The following CEP126 variants were observed in gnomAD, a reference collection of about 807,000 sequenced individuals.
CEP126 encodes the protein centrosomal protein of 126 kDa.
CEP126 carries 74 observed loss-of-function variants against 107.8 expected under a neutral mutation model. The observed-to-expected ratio is 0.69, with a 90% CI of 0.57 to 0.83. The LOEUF (loss-of-function observed/expected upper bound fraction) is 0.83, where lower values mean the gene tolerates loss of function less well. Among genes scored for constraint, CEP126 ranks in the 40% least tolerant of loss-of-function variants. CEP126 has a pLI of 0.00. For synonymous variants in CEP126, 449 were observed against 446.0 expected, an observed-to-expected ratio of 1.01 and a Z score of -0.08; for missense variants, 1,237 against 1,281.9, an observed-to-expected ratio of 0.96 and a Z score of 0.53.
chr11:101,997,732 A>G lies in CEP126; in HGVS notation c.*89A>G. On this transcript the variant is annotated 3_prime_UTR_variant, in exon 11 of 11. Transcript: ENST00000263468. ...TTGTGAAAACCAGCCATAGGAAAAC[A>G]TGTGAGCAACAACCCCCATGAACAT... The G allele has an allele frequency of 2.5e-6, 4 of 1,579,956 alleles. No individual in the cohort carries two copies. Among genetic ancestry groups the G allele is most frequent in the Non-Finnish European group, 3.5e-6 (4 of 1,157,018 alleles).
At chr11:101,918,074 A>G (rs573396002) in intron 1 of CEP126, among the ~76,000 whole-genome samples, 1 of 152,222 alleles carries the variant, frequency 6.6e-6, no homozygotes, top group East Asian at 1.9e-4. Flanking sequence ...AAACAGCACA[A>G]ACACACACAC....
intron 4 of CEP126, chr11:101,956,586 C>A (rs761281626): frequency 2.6e-5 from 12 of 456,040 alleles, no homozygotes; most frequent in South Asian, 1.9e-4. Flanking sequence ...ATACTGTTTT[C>A]TTCCTCCTCA....
intron 9 of CEP126, among the ~76,000 whole-genome samples, chr11:101,988,778 G>GTATA (rs34433049): frequency 0.019 from 2,822 of 148,862 alleles, 68 homozygotes; most frequent in African/African-American, 0.053. Context: ...ATATGTATAT[G>GTATA]TATATATATA....
intron 2 of CEP126, among the ~76,000 whole-genome samples, chr11:101,934,794 T>G (rs1367061013): frequency 6.6e-6 from 1 of 152,086 alleles, no homozygotes; most frequent in Non-Finnish European, 1.5e-5. Context: ...TTATTCTAAT[T>G]TGGGACTACT....
intron 1 of CEP126, among the ~76,000 whole-genome samples, chr11:101,919,267 T>G (rs1940285101): frequency 6.6e-6 from 1 of 152,136 alleles, no homozygotes; most frequent in African/African-American, 2.4e-5. Context: ...AACATAGCTT[T>G]AATAGATTTG....
intron 2 of CEP126, among the ~76,000 whole-genome samples, chr11:101,933,031 G>A (rs1305194978): frequency 6.6e-6 from 1 of 152,140 alleles, no homozygotes; most frequent in African/African-American, 2.4e-5. Flanking sequence ...CAGGTACAAA[G>A]CATTGTGTTA....
intron 7 of CEP126, among the ~76,000 whole-genome samples, chr11:101,979,018 G>A (rs1941225332): frequency 6.6e-6 from 1 of 152,054 alleles, no homozygotes; most frequent in South Asian, 2.1e-4. Flanking sequence ...TGTAATCCCA[G>A]CTACTCAGGA....
intron 6 of CEP126, among the ~76,000 whole-genome samples, chr11:101,969,542 G>T (rs1195763354): frequency 6.6e-6 from 1 of 152,306 alleles, no homozygotes; most frequent in East Asian, 1.9e-4. Context: ...GTATTAAAAA[G>T]AAGGCAATTC....
At position 101,915,188 on chromosome 11, in the gene CEP126, C is replaced by G. The variant is rs1940173780; in HGVS notation, c.-97C>G. On this transcript the variant is annotated 5_prime_UTR_variant, in exon 1 of 11. Coordinates refer to ENST00000263468, the MANE Select transcript of CEP126 (RefSeq NM_020802.4). ...CGCCCGTGACGCGGGGCCTGAGAGA[C>G]GGAGTGTAGGGAGGGGCCGAGCAGG... is the stretch of plus-strand genomic sequence containing the variant. 6.5e-7 allele frequency: 1 copy of G among 1,536,190 alleles called. No individual in the cohort carries two copies. The highest frequency in any genetic ancestry group is 1.2e-5 in the South Asian group (1 of 81,546).
Position 101,986,837 on chromosome 11 carries a change from G to T in CEP126, c.3040G>T (p.Asp1014Tyr). 1 of 1,613,352 alleles carries T rather than the reference G, an allele frequency of 6.2e-7. No individual in the cohort carries two copies. The highest frequency in any genetic ancestry group is 8.5e-7 in the Non-Finnish European group (1 of 1,179,466). ...RGTSYIEEVS[D>Y]STSEFLMAEN... ...ACTGATGTAAGTTTCTGTAGTTTCA[G>T]ATAGTACTTCTGAGTTTTTGATGGC... is the stretch of plus-strand genomic sequence containing the variant. Residue 1014 changes from aspartate (D) to tyrosine (Y), a missense_variant, in exon 9 of 11, where the codon GAT (aspartate) becomes TAT (tyrosine). This residue lies in a region of CEP126 where 99 missense variants were observed against 114.4 expected (regional missense o/e 0.87). Transcript: ENST00000263468.
intron 5 of CEP126, among the ~76,000 whole-genome samples, chr11:101,959,706 AAAG>A (rs1406841169): frequency 3.3e-5 from 5 of 152,252 alleles, no homozygotes; most frequent in African/African-American, 7.2e-5. Context: ...ACAATTGAAA[AAAG>A]AAATAAACAG....
chr11:101,927,882 A>G (rs1423528412), intron 2 of CEP126, among the ~76,000 whole-genome samples: 1 of 152,208 alleles, frequency 6.6e-6, no homozygotes, highest in Non-Finnish European at 1.5e-5. Flanking sequence ...GTTTTTGTAT[A>G]AACATAAGCC....
In CEP126 at chr11:102,000,595, G is replaced by A. The variant is rs1424187186; in HGVS notation, c.*2952G>A. 1 of 152,170 alleles carries A rather than the reference G, an allele frequency of 6.6e-6. No homozygotes were observed. Among genetic ancestry groups the A allele is most frequent in the Non-Finnish European group, 1.5e-5 (1 of 68,080 alleles). 9.4% of individuals were successfully genotyped at this position (152,170 alleles called of 1,614,324 possible). A position where few individuals can be genotyped will look rare whatever the true frequency, so the allele number is the denominator to read the frequency against. ...TGGTCCCAGCTACTGGGGAGGCTGA[G>A]GTGGGAGGATCGTTTGAGCCTGGGA... is the stretch of plus-strand genomic sequence containing the variant. On this transcript the variant is annotated 3_prime_UTR_variant, in exon 11 of 11. Transcript: ENST00000263468.
At chr11:101,969,061 C>G (rs1429573303) in intron 6 of CEP126, among the ~76,000 whole-genome samples, 1 of 152,102 alleles carries the variant, frequency 6.6e-6, no homozygotes, top group African/African-American at 2.4e-5. Flanking sequence ...CACTCTGTCA[C>G]CCAGGCTGGA....
At chr11:101,960,117 G>A (rs749566715) in intron 5 of CEP126, among the ~76,000 whole-genome samples, 4 of 151,976 alleles carry the variant, frequency 2.6e-5, no homozygotes, top group Non-Finnish European at 5.9e-5. Flanking sequence ...TCAGATTAAA[G>A]CCAGAGGGAA....
chr11:101,962,394 T>C lies in CEP126; in HGVS notation c.1359T>C (p.Pro453=), dbSNP rs748191404. ...AAGAAAATGGAACTACTTCAATTCC[T>C]ACTTCATGTGTACCAGTGGCAACGC... ...LNQENGTTSI[P]TSCVPVATPL... is the part of the protein sequence containing the mutation. The change falls in exon 6 of 11, where the codon CCT becomes CCC. Residue 453 remains proline (P), a synonymous_variant. Transcript: ENST00000263468. The C allele has an allele frequency of 1.9e-6, 3 of 1,613,948 alleles. No homozygotes were observed. Among genetic ancestry groups the C allele is most frequent in the Non-Finnish European group, 2.5e-6 (3 of 1,179,902 alleles).
intron 2 of CEP126, among the ~76,000 whole-genome samples, chr11:101,928,345 G>A (rs375127264): frequency 5.3e-5 from 8 of 152,078 alleles, no homozygotes; most frequent in South Asian, 4.2e-4. Flanking sequence ...AGTCTCTTCC[G>A]GAGCAGAAGT....
chr11:101,925,031 A>C (rs2137080680), intron 2 of CEP126, among the ~76,000 whole-genome samples: 1 of 152,238 alleles, frequency 6.6e-6, no homozygotes, highest in South Asian at 2.1e-4. Flanking sequence ...TATACAATGG[A>C]GTCCCCTTTG....
intron 6 of CEP126, among the ~76,000 whole-genome samples, chr11:101,965,961 C>T (rs753681446): frequency 1.3e-5 from 2 of 152,024 alleles, no homozygotes; most frequent in Non-Finnish European, 2.9e-5. Flanking sequence ...TATTAGGAAA[C>T]TTATAGTTTC....
Sources: gnomAD v4.1 joint callset for allele counts (sites outside exome capture counted in the v4.1 genomes callset) on GRCh38, gnomAD v4.1.1 for gene constraint, gnomAD v4.1.1 regional missense constraint, MANE v1.5 for transcripts, NCBI Gene and HGNC (gene_info 2026-07-23, HGNC 2026-07-21) for gene names.